FAM13A: variants seen among roughly 807,000 people sequenced by gnomAD.
FAM13A encodes the protein family with sequence similarity 13 member A.
FAM13A carries 76 observed loss-of-function variants against 129.6 expected under a neutral mutation model. The ratio of observed to expected loss-of-function variants is 0.59; its 90% CI spans 0.49 to 0.71. FAM13A has a LOEUF of 0.71. FAM13A is among the 30% of genes least tolerant of loss of function. The pLI, the probability that FAM13A is intolerant of heterozygous loss-of-function variation, is 0.00. For missense variants in FAM13A, 1,108 were observed against 1,249.3 expected, an observed-to-expected ratio of 0.89 and a Z score of 1.70; for synonymous variants, 443 against 449.9, an observed-to-expected ratio of 0.98 and a Z score of 0.20.
intron 6 of FAM13A, among the ~76,000 whole-genome samples, chr4:88,874,061 A>G (rs1741931350): frequency 6.6e-6 from 1 of 152,230 alleles, no homozygotes; most frequent in East Asian, 1.9e-4. Context: ...CAATAGATGC[A>G]GAAAAGGCCT....
At chr4:88,836,146 A>T (rs977252915) in intron 7 of FAM13A, among the ~76,000 whole-genome samples, 1 of 152,198 alleles carries the variant, frequency 6.6e-6, no homozygotes, top group Non-Finnish European at 1.5e-5. Flanking sequence ...ATTGTAAAAA[A>T]ATTCATACAT....
intron 5 of FAM13A, among the ~76,000 whole-genome samples, chr4:88,927,099 T>C (rs1275858079): frequency 6.6e-6 from 1 of 152,194 alleles, no homozygotes; most frequent in Non-Finnish European, 1.5e-5. Flanking sequence ...CTGGGATGTT[T>C]TTCCATTTGC....
In FAM13A at chr4:88,948,296, T is replaced by C. The variant is rs761573783; in HGVS notation, c.606-10055A>G. On this transcript the variant is annotated intron_variant, in intron 4 of 23. Transcript: ENST00000264344. ...AACTTTAAACACTAGTTTCTTCTAT[T>C]GTAAAATAGAACTGTTGATAATATT... is the stretch of plus-strand genomic sequence containing the variant. Among the ~76,000 whole-genome samples the C allele has an allele frequency of 1.1e-3, 166 of 152,276 alleles. 1 individual carries two copies. Among genetic ancestry groups the C allele is most frequent in the Middle Eastern group, 3.4e-3 (1 of 294 alleles).
intron 4 of FAM13A, among the ~76,000 whole-genome samples, chr4:88,948,495 T>TC (rs1290615099): frequency 5.4e-5 from 8 of 147,504 alleles, no homozygotes; most frequent in Non-Finnish European, 9.0e-5. Context: ...GCCTGTATCT[T>TC]TTTTTTTTTT....
intron 3 of FAM13A, chr4:89,009,018 C>T (rs1237414107): frequency 1.3e-5 from 2 of 152,044 alleles, no homozygotes; most frequent in Non-Finnish European, 2.9e-5. Context: ...CCTTTGTTAA[C>T]TTCCATTAGG....
intron 7 of FAM13A, among the ~76,000 whole-genome samples, chr4:88,817,503 C>T (rs1730991773): frequency 6.6e-6 from 1 of 150,470 alleles, no homozygotes. Context: ...GCAGAGGTTG[C>T]AATGAGCCAA....
intron 5 of FAM13A, among the ~76,000 whole-genome samples, chr4:88,928,904 T>TCAAACCACAA (rs777296755): frequency 9.5e-4 from 145 of 152,282 alleles, no homozygotes; most frequent in Non-Finnish European, 1.2e-3. Flanking sequence ...AATTTTGTCT[T>TCAAACCACAA]TGTGGTTTGA....
chr4:88,941,687 G>A (rs902701793), intron 4 of FAM13A, among the ~76,000 whole-genome samples: 1 of 152,186 alleles, frequency 6.6e-6, no homozygotes, highest in African/African-American at 2.4e-5. Context: ...GGTGGGGGGT[G>A]GGTCCCCTGT....
At chr4:88,742,996 A>G (rs937182108) in intron 19 of FAM13A, among the ~76,000 whole-genome samples, 2 of 152,224 alleles carry the variant, frequency 1.3e-5, no homozygotes, top group Admixed American at 1.3e-4. Flanking sequence ...TTAAAGTGAT[A>G]GTGCTGAATG....
At chr4:88,809,925 T>C (rs1729339014) in intron 7 of FAM13A, among the ~76,000 whole-genome samples, 1 of 151,898 alleles carries the variant, frequency 6.6e-6, no homozygotes, top group South Asian at 2.1e-4. Flanking sequence ...TTCATAACTG[T>C]TTGCAGCTGT....
intron 6 of FAM13A, among the ~76,000 whole-genome samples, chr4:88,865,023 AG>A (rs1397532508): frequency 6.6e-6 from 1 of 152,358 alleles, no homozygotes; most frequent in East Asian, 1.9e-4. Flanking sequence ...AAGAGGAAAA[AG>A]AAAGTATCTG....
intron 6 of FAM13A, among the ~76,000 whole-genome samples, chr4:88,881,098 C>T (rs1282150896): frequency 2.6e-5 from 4 of 152,170 alleles, no homozygotes; most frequent in Non-Finnish European, 4.4e-5. Context: ...CGCTGCCCAC[C>T]GCCTAATCCT....
rs137925883 is a variant in FAM13A, at chr4:88,751,868, G to A, written c.1727-1231C>T. ...TGTGATTTACACAACGGTAGAATTT[G>A]GCTATGATCTTAAACTCTGGGATTC... On this transcript the variant is annotated intron_variant, in intron 14 of 23. Transcript: ENST00000264344. 7.6e-4 allele frequency among the ~76,000 whole-genome samples: 116 copies of A among 152,290 alleles called. 1 individual carries two copies. In the East Asian group the frequency reaches 0.018, roughly 23 times the overall value.
At chr4:88,896,202 T>C (rs1387534581) in intron 6 of FAM13A, among the ~76,000 whole-genome samples, 1 of 148,896 alleles carries the variant, frequency 6.7e-6, no homozygotes, top group Non-Finnish European at 1.5e-5. Context: ...TTCTCACTCA[T>C]AGGTGGGAAT....
At chr4:88,945,990 G>GTATATATATATATATA (rs199936059) in intron 4 of FAM13A, among the ~76,000 whole-genome samples, 111 of 61,826 alleles carry the variant, frequency 1.8e-3, no homozygotes, top group South Asian at 3.1e-3. Flanking sequence ...GTGTGTGTGT[G>GTATATATATATATATA]TATATATATA....
intron 7 of FAM13A, among the ~76,000 whole-genome samples, chr4:88,809,571 A>G (rs989106074): frequency 2.0e-5 from 3 of 152,172 alleles, no homozygotes; most frequent in Admixed American, 2.0e-4. Flanking sequence ...AAACAAAAGA[A>G]AAGTATAAAG....
intron 19 of FAM13A, among the ~76,000 whole-genome samples, chr4:88,742,320 C>T (rs1358889618): frequency 6.6e-6 from 1 of 152,192 alleles, no homozygotes; most frequent in Non-Finnish European, 1.5e-5. Flanking sequence ...TTCTTTGGCT[C>T]ATGACATTGA....
chr4:88,847,203 T>C (rs1206425115), intron 7 of FAM13A, among the ~76,000 whole-genome samples: 5 of 152,162 alleles, frequency 3.3e-5, no homozygotes, highest in Non-Finnish European at 7.4e-5. Flanking sequence ...CCTTTAAGGT[T>C]GTCTGGCTCT....
intron 21 of FAM13A, among the ~76,000 whole-genome samples, chr4:88,732,893 A>G (rs758518945): frequency 6.6e-6 from 1 of 151,872 alleles, no homozygotes; most frequent in Non-Finnish European, 1.5e-5. Context: ...GATAATGCAA[A>G]TAGAAAAATA....
Sources: allele counts gnomAD v4.1 joint callset (sites outside exome capture counted in the v4.1 genomes callset), GRCh38; gene constraint gnomAD v4.1.1; transcripts MANE v1.5; gene names NCBI Gene and HGNC (gene_info 2026-07-23, HGNC 2026-07-21).